Variants in CNTN5 observed in about 807,000 individuals in gnomAD.
The protein encoded by CNTN5 is contactin-5.
A neutral mutation model predicts 129.1 loss-of-function variants in CNTN5; 77 were observed. The observed-to-expected ratio is 0.60, with a 90% CI of 0.50 to 0.72. The LOEUF (loss-of-function observed/expected upper bound fraction) is 0.72, where lower values mean the gene tolerates loss of function less well. Among genes scored for constraint, CNTN5 ranks in the 30% least tolerant of loss-of-function variants. CNTN5 has a pLI of 0.00. For synonymous variants in CNTN5, 509 were observed against 465.6 expected, an observed-to-expected ratio of 1.09 and a Z score of -1.20; for missense variants, 1,478 against 1,328.8, an observed-to-expected ratio of 1.11 and a Z score of -1.75.
chr11:100,195,338 C>T (rs1290875490), intron 15 of CNTN5, among the ~76,000 whole-genome samples: 1 of 151,860 alleles, frequency 6.6e-6, no homozygotes, highest in Non-Finnish European at 1.5e-5. Context: ...AATGAATGTA[C>T]CTGGTGAAGT....
intron 8 of CNTN5, among the ~76,000 whole-genome samples, chr11:99,999,930 T>C (rs572864018): frequency 6.6e-6 from 1 of 151,120 alleles, no homozygotes; most frequent in African/African-American, 2.4e-5. Context: ...CACTGCATGT[T>C]CTCACTCATA....
intron 7 of CNTN5, among the ~76,000 whole-genome samples, chr11:99,937,021 G>T (rs1298817080): frequency 1.3e-5 from 2 of 152,028 alleles, no homozygotes; most frequent in Non-Finnish European, 2.9e-5. Context: ...TATAAGGTAG[G>T]TCTCCATATT....
At chr11:100,149,048 ACAT>A (rs1436101931) in intron 13 of CNTN5, among the ~76,000 whole-genome samples, 1 of 152,210 alleles carries the variant, frequency 6.6e-6, no homozygotes, top group Non-Finnish European at 1.5e-5. Flanking sequence ...TGCTGATGAA[ACAT>A]CAGCGTTTTT....
chr11:100,314,535 A>G (rs571446540), intron 21 of CNTN5, among the ~76,000 whole-genome samples: 14 of 152,266 alleles, frequency 9.2e-5, no homozygotes, highest in Middle Eastern at 6.8e-3. Flanking sequence ...CCTGGAATAC[A>G]TAGCGTGGTG....
chr11:99,595,445 T>C (rs1950097039), intron 3 of CNTN5, among the ~76,000 whole-genome samples: 1 of 152,164 alleles, frequency 6.6e-6, no homozygotes, highest in African/African-American at 2.4e-5. Flanking sequence ...TTAAGATAAG[T>C]GGACTTAATA....
chr11:100,002,018 A>C lies in CNTN5; in HGVS notation c.878-16A>C. The C allele has an allele frequency of 6.7e-7, 1 of 1,502,880 alleles. No individual in the cohort carries two copies. The highest frequency in any genetic ancestry group is 9.1e-7 in the Non-Finnish European group (1 of 1,100,548). 93.1% of individuals were successfully genotyped at this position (1,502,880 alleles called of 1,614,324 possible). A position where few individuals can be genotyped will look rare whatever the true frequency, so the allele number is the denominator to read the frequency against. ...AACATTCATTTGATGCTTAAAGACT[A>C]TTCTTTCTTTCTAAGGTGTGATGGG... On this transcript the variant is annotated splice_polypyrimidine_tract_variant and intron_variant, in intron 8 of 24. Transcript: ENST00000524871.
chr11:99,685,578 C>A (rs952979343), intron 3 of CNTN5, among the ~76,000 whole-genome samples: 1 of 151,180 alleles, frequency 6.6e-6, no homozygotes, highest in South Asian at 2.1e-4. Flanking sequence ...TCTTGTTTAA[C>A]AGTTGTCTAA....
intron 14 of CNTN5, among the ~76,000 whole-genome samples, chr11:100,192,902 C>T (rs1284067939): frequency 6.6e-6 from 1 of 151,896 alleles, no homozygotes; most frequent in African/African-American, 2.4e-5. Flanking sequence ...GGTACAAAAA[C>T]AGGTACGTTC....
At chr11:100,268,113 T>C (rs1025936675) in intron 17 of CNTN5, among the ~76,000 whole-genome samples, 4 of 152,120 alleles carry the variant, frequency 2.6e-5, no homozygotes, top group African/African-American at 7.2e-5. Flanking sequence ...TTAAGTGACA[T>C]GGAGAAGCCT....
intron 1 of CNTN5, among the ~76,000 whole-genome samples, chr11:99,042,362 CTTCTTTTTTTTTTTTT>C (rs1335134206): frequency 1.7e-5 from 2 of 120,786 alleles, no homozygotes; most frequent in East Asian, 5.5e-4. Context: ...CCTTCTTCTT[CTTCTTTTTTTTTTTTT>C]TTTTTTTTTT....
intron 6 of CNTN5, among the ~76,000 whole-genome samples, chr11:99,887,620 A>C (rs1948933605): frequency 6.6e-6 from 1 of 152,162 alleles, no homozygotes; most frequent in African/African-American, 2.4e-5. Flanking sequence ...CAAAACCTCA[A>C]AAGTAGGAAA....
chr11:99,616,858 C>A (rs1950775075), intron 3 of CNTN5, among the ~76,000 whole-genome samples: 1 of 152,206 alleles, frequency 6.6e-6, no homozygotes, highest in Non-Finnish European at 1.5e-5. Context: ...CGCCTGTAAT[C>A]CCAGCACTTT....
At chr11:99,702,318 T>G (rs889593878) in intron 3 of CNTN5, among the ~76,000 whole-genome samples, 3 of 151,054 alleles carry the variant, frequency 2.0e-5, no homozygotes, top group African/African-American at 7.3e-5. Flanking sequence ...AGTATTCTTT[T>G]CTGTTACTAG....
chr11:99,645,884 G>A (rs138257431), intron 3 of CNTN5, among the ~76,000 whole-genome samples: 5 of 152,196 alleles, frequency 3.3e-5, no homozygotes, highest in East Asian at 1.9e-4. Context: ...ACCATGATAC[G>A]TGTATAGCTA....
In CNTN5 at chr11:99,158,740, A is replaced by G. The variant is rs112847491; in HGVS notation, c.-210+137470A>G. On this transcript the variant is annotated intron_variant, in intron 1 of 24. Transcript: ENST00000524871. ...CGTAATTCTCTTTAGAACTATTAGAAGTGTTATCAAATACATCTGTAACAG... is the reference window on the plus strand; with the variant it reads ...CGTAATTCTCTTTAGAACTATTAGAGGTGTTATCAAATACATCTGTAACAG... Among the ~76,000 whole-genome samples the G allele has an allele frequency of 7.9e-5, 12 of 152,260 alleles. 1 individual carries two copies. Among genetic ancestry groups the G allele is most frequent in the African/African-American group, 2.4e-4 (10 of 41,562 alleles).
At chr11:99,703,374 T>A (rs1401922908) in intron 3 of CNTN5, among the ~76,000 whole-genome samples, 1 of 150,642 alleles carries the variant, frequency 6.6e-6, no homozygotes, top group Non-Finnish European at 1.5e-5. Flanking sequence ...AAGTGATATA[T>A]ATCTTCCTGT....
At chr11:99,543,418 G>A (rs1948177744) in intron 2 of CNTN5, among the ~76,000 whole-genome samples, 1 of 151,994 alleles carries the variant, frequency 6.6e-6, no homozygotes, top group South Asian at 2.1e-4. Context: ...CTTTCTGGTG[G>A]GTGGCTTTGC....
At chr11:99,945,959 TG>T (rs1950545173) in intron 7 of CNTN5, among the ~76,000 whole-genome samples, 1 of 151,548 alleles carries the variant, frequency 6.6e-6, no homozygotes, top group African/African-American at 2.4e-5. Flanking sequence ...AGTACAAGCA[TG>T]AAAAAAAAAA....
At position 99,792,538 on chromosome 11, in the gene CNTN5, G is replaced by GGTGTGTGT. The variant is rs111267307; in HGVS notation, c.56-26975_56-26968dup. Among the ~76,000 whole-genome samples the GGTGTGTGT allele has an allele frequency of 3.2e-3, 408 of 127,728 alleles. 3 individuals are homozygous for GGTGTGTGT. The highest frequency in any genetic ancestry group is 0.011 in the African/African-American group (330 of 31,136). The allele number at this position is 127,728 out of a possible 152,430, so 83.8% of individuals were successfully genotyped here. On this transcript the variant is annotated intron_variant, in intron 3 of 24. Transcript: ENST00000524871. ...TATTGAGGATATTGGCCTGAAGAGG[G>GGTGTGTGT]GTGTGTGTGTGTGTGTGTGTGTGTG...
Sources: allele counts gnomAD v4.1 joint callset (sites outside exome capture counted in the v4.1 genomes callset), GRCh38; gene constraint gnomAD v4.1.1; transcripts MANE v1.5; gene names NCBI Gene and HGNC (gene_info 2026-07-23, HGNC 2026-07-21).